SNX30: variants seen among roughly 807,000 people sequenced by gnomAD.
SNX30 encodes sorting nexin family member 30, also known as sorting nexin-30.
Under a neutral mutation model 46.4 loss-of-function variants are expected in SNX30, and 24 were observed. That is an observed-to-expected ratio of 0.52 (90% CI 0.37 to 0.73). SNX30 has a LOEUF of 0.73. Ranked by LOEUF, SNX30 falls within the 30% of genes least tolerant of loss-of-function variation. The probability of loss-of-function intolerance (pLI) is 0.00; values close to 1 mark genes in which losing one functional copy is unlikely to be tolerated. For synonymous variants in SNX30, 189 were observed against 211.5 expected, an observed-to-expected ratio of 0.89 and a Z score of 0.92; for missense variants, 533 against 555.7, an observed-to-expected ratio of 0.96 and a Z score of 0.41.
intron 1 of SNX30, among the ~76,000 whole-genome samples, chr9:112,792,301 A>G (rs1840039365): frequency 6.6e-6 from 1 of 152,234 alleles, no homozygotes; most frequent in East Asian, 1.9e-4. Context: ...CTAGAAAGCC[A>G]GCTAGCTCAT....
At chr9:112,792,792 G>A (rs1321527706) in intron 1 of SNX30, among the ~76,000 whole-genome samples, 1 of 151,922 alleles carries the variant, frequency 6.6e-6, no homozygotes, top group Non-Finnish European at 1.5e-5. Flanking sequence ...TCTTTCAGAA[G>A]AATTAAATTT....
chr9:112,874,603 A>G lies in SNX30; in HGVS notation c.*5760A>G, dbSNP rs916119148. 2.6e-5 allele frequency: 4 copies of G among 152,228 alleles called. No homozygotes were observed. Among genetic ancestry groups the G allele is most frequent in the Non-Finnish European group, 5.9e-5 (4 of 68,034 alleles). 9.4% of individuals were successfully genotyped at this position (152,228 alleles called of 1,614,324 possible). ...TTCTCTCCATGCTGCCATTATGCCAAAACAAAAGCTGTGATAAAAAAAGTG... is the reference window on the plus strand; with the variant it reads ...TTCTCTCCATGCTGCCATTATGCCAGAACAAAAGCTGTGATAAAAAAAGTG... On this transcript the variant is annotated 3_prime_UTR_variant, in exon 9 of 9. Coordinates refer to ENST00000374232, the MANE Select transcript of SNX30 (RefSeq NM_001012994.2).
rs1401594544 is a variant in SNX30, at chr9:112,871,528, T to A, written c.*2685T>A. 1 of 152,128 alleles carries A rather than the reference T, an allele frequency of 6.6e-6. No homozygotes were observed. The allele number at this position is 152,128 out of a possible 1,614,324, so 9.4% of individuals were successfully genotyped here. A position where few individuals can be genotyped will look rare whatever the true frequency, so the allele number is the denominator to read the frequency against. ...CACACTTCTTGACTTCACAAAATTG[T>A]GGCCCTGAGATCAGTACTCCTCTCT... On this transcript the variant is annotated 3_prime_UTR_variant, in exon 9 of 9. Coordinates refer to ENST00000374232, the MANE Select transcript of SNX30 (RefSeq NM_001012994.2).
At chr9:112,876,767 C>T (rs1841523054), downstream of SNX30, among the ~76,000 whole-genome samples, 1 of 152,076 alleles carries the variant, frequency 6.6e-6, no homozygotes, top group Admixed American at 6.5e-5. Context: ...CGAAACCTGT[C>T]TCTATCAAAA....
At chr9:112,831,944 T>C (rs895126161) in intron 4 of SNX30, among the ~76,000 whole-genome samples, 1 of 152,238 alleles carries the variant, frequency 6.6e-6, no homozygotes, top group Non-Finnish European at 1.5e-5. Context: ...ATATGTAACA[T>C]GTTCCATGTT....
At chr9:112,788,489 A>C (rs959986975) in intron 1 of SNX30, among the ~76,000 whole-genome samples, 1 of 152,194 alleles carries the variant, frequency 6.6e-6, no homozygotes, top group Non-Finnish European at 1.5e-5. Context: ...ACTATTGTTT[A>C]TGAAGGGGTC....
chr9:112,832,493 TGTGAGA>T (rs1275210997), intron 4 of SNX30, among the ~76,000 whole-genome samples: 3 of 135,646 alleles, frequency 2.2e-5, no homozygotes, highest in Non-Finnish European at 3.1e-5. Flanking sequence ...TGTGTGTGTG[TGTGAGA>T]GAGAGAGAGA....
At chr9:112,797,772 T>C (rs1392463028) in intron 1 of SNX30, among the ~76,000 whole-genome samples, 4 of 146,196 alleles carry the variant, frequency 2.7e-5, no homozygotes, top group African/African-American at 5.0e-5. Flanking sequence ...TGCAGTGGCA[T>C]GATCCCGGCT....
chr9:112,850,937 C>T lies in SNX30; in HGVS notation c.1093C>T (p.Arg365Cys), dbSNP rs774859312. The part of the protein sequence containing the change: ...LEAVALRKED[R>C]PKVPADVEKC... ...AGCTGTGGCTCTGCGGAAGGAAGACCGCCCCAAGGTCAGGGAAGCCACCTG... is the reference window on the plus strand; with the variant it reads ...AGCTGTGGCTCTGCGGAAGGAAGACTGCCCCAAGGTCAGGGAAGCCACCTG... The change falls in exon 7 of 9, where the codon CGC (arginine) becomes TGC (cysteine). Residue 365 changes from arginine to cysteine, a missense_variant. Around this residue, in one of 3 missense-constraint regions of SNX30, gnomAD observed 261 missense variants for 270.9 expected, o/e 0.96. Coordinates refer to ENST00000374232, the MANE Select transcript of SNX30 (RefSeq NM_001012994.2). 1.5e-5 allele frequency: 24 copies of T among 1,613,826 alleles called. No homozygotes were observed. In the East Asian group the frequency reaches 1.6e-4, roughly 10 times the overall value.
At chr9:112,780,435 C>T (rs1370296819) in intron 1 of SNX30, among the ~76,000 whole-genome samples, 1 of 152,184 alleles carries the variant, frequency 6.6e-6, no homozygotes, top group African/African-American at 2.4e-5. Context: ...GTAATTCCTG[C>T]TTGGCACAGC....
At position 112,865,661 on chromosome 9, in the gene SNX30, ATGTATG is replaced by A. The variant is rs202154663; in HGVS notation, c.1254+1264_1254+1269del. Among the ~76,000 whole-genome samples, 99 of 105,686 alleles carry A rather than the reference ATGTATG, an allele frequency of 9.4e-4. 4 individuals are homozygous for A. Among genetic ancestry groups the A allele is most frequent in the African/African-American group, 3.7e-3 (97 of 26,348 alleles). 69.3% of individuals were successfully genotyped at this position (105,686 alleles called of 152,430 possible). A position where few individuals can be genotyped will look rare whatever the true frequency, so the allele number is the denominator to read the frequency against. ...TATATATATATATATATATATATAT[ATGTATG>A]TATGTATGCACACACACACACACGT... On this transcript the variant is annotated intron_variant, in intron 8 of 8. Transcript: ENST00000374232.
chr9:112,862,567 G>A (rs1349400815), intron 7 of SNX30, among the ~76,000 whole-genome samples: 1 of 152,094 alleles, frequency 6.6e-6, no homozygotes, highest in Non-Finnish European at 1.5e-5. Flanking sequence ...GGTGGTCTTG[G>A]GAGGAGGCAA....
intron 1 of SNX30, among the ~76,000 whole-genome samples, chr9:112,791,779 TA>T (rs896895348): frequency 1.3e-5 from 2 of 152,220 alleles, no homozygotes; most frequent in Non-Finnish European, 2.9e-5. Context: ...GTGATGCCAG[TA>T]AATATTTTGG....
chr9:112,823,295 G>A, intron 3 of SNX30, among the ~76,000 whole-genome samples: 1 of 152,220 alleles, frequency 6.6e-6, no homozygotes, highest in East Asian at 1.9e-4. Context: ...GAGGATGACT[G>A]TATTGTTAAC....
chr9:112,865,139 C>T (rs1285279619), intron 8 of SNX30, among the ~76,000 whole-genome samples: 7 of 125,866 alleles, frequency 5.6e-5, no homozygotes, highest in African/African-American at 1.8e-4. Context: ...CCTACACATA[C>T]ACCCCACATA....
chr9:112,811,693 C>T (rs1840322763), intron 2 of SNX30, among the ~76,000 whole-genome samples: 1 of 152,120 alleles, frequency 6.6e-6, no homozygotes, highest in African/African-American at 2.4e-5. Context: ...TGTTCTTAGA[C>T]CTGACTGTAC....
chr9:112,843,438 G>C (rs1033249924), intron 6 of SNX30, among the ~76,000 whole-genome samples: 1 of 152,098 alleles, frequency 6.6e-6, no homozygotes, highest in Non-Finnish European at 1.5e-5. Context: ...ACATATGGGA[G>C]TGAGCTGCGC....
chr9:112,848,449 G>A (rs1840972887), intron 6 of SNX30, among the ~76,000 whole-genome samples: 1 of 152,182 alleles, frequency 6.6e-6, no homozygotes, highest in South Asian at 2.1e-4. Context: ...CAGCGTGGTT[G>A]GATTTTGGGC....
Position 112,751,145 on chromosome 9 carries a change from C to T in SNX30, c.144C>T (p.Ser48=), listed in dbSNP as rs1839269305. 1 of 1,518,314 alleles carries T rather than the reference C, an allele frequency of 6.6e-7. No homozygotes were observed. The highest frequency in any genetic ancestry group is 1.2e-5 in the South Asian group (1 of 80,572). 94.1% of individuals were successfully genotyped at this position (1,518,314 alleles called of 1,614,324 possible). A position where few individuals can be genotyped will look rare whatever the true frequency, so the allele number is the denominator to read the frequency against. The stretch of plus-strand genomic sequence containing the variant: ...GCCCGGACCTGCTGATGGCCCGCAG[C>T]TTCGGTGACAAGGTGGGGCGCCTGG... ...TPSPDLLMAR[S]FGDKDLILPN... is the part of the protein sequence containing the mutation. The change falls in exon 1 of 9, where the codon AGC becomes AGT. Residue 48 remains serine (S), a synonymous_variant. Coordinates refer to ENST00000374232, the MANE Select transcript of SNX30 (RefSeq NM_001012994.2).
Sources: allele counts gnomAD v4.1 joint callset (sites outside exome capture counted in the v4.1 genomes callset), GRCh38; gene constraint gnomAD v4.1.1; regional missense constraint gnomAD v4.1.1; transcripts MANE v1.5; gene names NCBI Gene and HGNC (gene_info 2026-07-23, HGNC 2026-07-21).